PCDHA3: variants seen among roughly 807,000 people sequenced by gnomAD.
PCDHA3 encodes the protein protocadherin alpha 3.
A neutral mutation model predicts 62.2 loss-of-function variants in PCDHA3; 41 were observed. The ratio of observed to expected loss-of-function variants is 0.66; its 90% CI spans 0.51 to 0.86. PCDHA3 has a LOEUF of 0.86. PCDHA3 is among the 40% of genes least tolerant of loss of function. The pLI is 0.00. For missense variants in PCDHA3, 1,304 were observed against 1,241.2 expected (o/e 1.05, Z -0.76); for synonymous variants, 640 against 555.4 (o/e 1.15, Z -2.14).
At chr5:140,869,703 G>A in intron 1 of PCDHA3, 1 of 1,613,428 alleles carries the variant, frequency 6.2e-7, no homozygotes, top group Non-Finnish European at 8.5e-7. Context: ...AGAAGTCTCT[G>A]GATAGAGAGA....
chr5:140,814,025 T>G (rs1765421456), intron 1 of PCDHA3: 1 of 152,870 alleles, frequency 6.5e-6, no homozygotes, highest in Non-Finnish European at 1.5e-5. Context: ...CAGTAATAAA[T>G]TAACCTTAGC....
chr5:140,884,579 G>A (rs1035826331), intron 1 of PCDHA3: 5 of 1,614,058 alleles, frequency 3.1e-6, no homozygotes, highest in Admixed American at 1.7e-5. Flanking sequence ...GGACCTCATG[G>A]CCTTCAGTCC....
At chr5:140,941,099 TATTACTGG>T (rs1174229664) in intron 1 of PCDHA3, among the ~76,000 whole-genome samples, 5 of 152,146 alleles carry the variant, frequency 3.3e-5, no homozygotes, top group Non-Finnish European at 1.5e-5. Context: ...TTTCACATAC[TATTACTGG>T]AAAGATTAGT....
At chr5:140,968,813 A>G (rs1554231120) in intron 1 of PCDHA3, 1 of 1,614,194 alleles carries the variant, frequency 6.2e-7, no homozygotes, top group South Asian at 1.1e-5. Context: ...TGTGGTGGAT[A>G]GGGTTTCCAA....
At position 140,889,293 on chromosome 5, in the gene PCDHA3, T is replaced by C. The variant is rs1051889855; in HGVS notation, c.2394+85702T>C. 3.3e-5 allele frequency among the ~76,000 whole-genome samples: 5 copies of C among 152,196 alleles called. No individual in the cohort carries two copies. The South Asian group carries it at 6.2e-4, about 19-fold the overall frequency. The stretch of plus-strand genomic sequence containing the variant: ...ATCTTTGAATTACTTCTTATTTGAT[T>C]GGAGAACTCACTGTTGAAGTTATCT... On this transcript the variant is annotated intron_variant, in intron 1 of 3. Transcript: ENST00000522353.
At chr5:140,978,805 T>G in intron 1 of PCDHA3, 144 bp from the exon 2 acceptor site, 4 of 1,492,524 alleles carry the variant, frequency 2.7e-6, no homozygotes, top group Non-Finnish European at 3.6e-6. Flanking sequence ...GTAGATATCA[T>G]CATAGAGTTA....
intron 1 of PCDHA3, among the ~76,000 whole-genome samples, chr5:140,915,100 CACA>C (rs2076984171): frequency 6.6e-6 from 1 of 151,988 alleles, no homozygotes; most frequent in African/African-American, 2.4e-5. Context: ...CACGCACCAC[CACA>C]ACACCCACCT....
Position 140,899,596 on chromosome 5 carries a change from G to A in PCDHA3, c.2395-79353G>A, listed in dbSNP as rs567280301. On this transcript the variant is annotated intron_variant, in intron 1 of 3. Transcript: ENST00000522353. ...ATTCGGTTTGCCAGTATTTTATTGA[G>A]GACTTTTGCATCAATGTTCATCAAG... Among the ~76,000 whole-genome samples the A allele has an allele frequency of 7.2e-5, 11 of 152,196 alleles. No individual in the cohort carries two copies. In the East Asian group the frequency reaches 2.1e-3, roughly 29 times the overall value.
intron 1 of PCDHA3, chr5:140,834,304 A>G (rs2150215159): frequency 5.3e-6 from 7 of 1,322,818 alleles, no homozygotes; most frequent in South Asian, 1.4e-5. Context: ...ACACATCGAG[A>G]TTGAAATGAA....
chr5:140,889,767 C>T (rs539294045), intron 1 of PCDHA3, among the ~76,000 whole-genome samples: 29 of 152,202 alleles, frequency 1.9e-4, no homozygotes, highest in African/African-American at 6.7e-4. Context: ...TGAACTTTGA[C>T]TGGTCTTAAT....
At chr5:140,983,642 G>A (rs954814692) in intron 3 of PCDHA3, among the ~76,000 whole-genome samples, 3 of 152,174 alleles carry the variant, frequency 2.0e-5, no homozygotes, top group African/African-American at 7.2e-5. Flanking sequence ...CCAAGTTCAC[G>A]TAGCTTGTAA....
chr5:140,875,818 G>T (rs2055839936), intron 1 of PCDHA3: 1 of 1,614,100 alleles, frequency 6.2e-7, no homozygotes, highest in East Asian at 2.2e-5. Flanking sequence ...GCCGCTGCAG[G>T]TTTTCCATGT....
intron 1 of PCDHA3, among the ~76,000 whole-genome samples, chr5:140,819,033 C>T (rs1371427690): frequency 3.9e-5 from 6 of 152,058 alleles, no homozygotes; most frequent in Non-Finnish European, 5.9e-5. Flanking sequence ...TAGCACATTC[C>T]CTTATAGGGC....
In PCDHA3 at chr5:140,856,289, G is replaced by A. The variant is rs138367057; in HGVS notation, c.2394+52698G>A. Reference sequence around the variant, plus strand: ...CCTTCTGGAGGTAAATCTGCAGAATGGCATTTTGTTTGTGAATTCTCGGAT... The same window carrying A: ...CCTTCTGGAGGTAAATCTGCAGAATAGCATTTTGTTTGTGAATTCTCGGAT... On this transcript the variant is annotated intron_variant, in intron 1 of 3. Coordinates refer to ENST00000522353, the MANE Select transcript of PCDHA3 (RefSeq NM_018906.3). The A allele has an allele frequency of 3.3e-4, 527 of 1,598,532 alleles. 21 individuals carry two copies. The African/African-American group carries it at 6.0e-3, about 18-fold the overall frequency.
rs1554144120 is a variant in PCDHA3, at chr5:140,850,272, A to G, written c.2394+46681A>G. 1.2e-5 allele frequency: 19 copies of G among 1,594,612 alleles called. 2 individuals carry two copies. The highest frequency in any genetic ancestry group is 7.7e-6 in the Non-Finnish European group (9 of 1,167,372). Reference sequence around the variant, plus strand: ...GGTGGGCGCCGGCGTAGTGGTGGGGAAGGTGCGCGCAGTGGACGCCGACTC... The same window carrying G: ...GGTGGGCGCCGGCGTAGTGGTGGGGGAGGTGCGCGCAGTGGACGCCGACTC... On this transcript the variant is annotated intron_variant, in intron 1 of 3. Transcript: ENST00000522353.
chr5:140,807,334 G>A (rs782485620), intron 1 of PCDHA3: 1 of 1,613,482 alleles, frequency 6.2e-7, no homozygotes, highest in South Asian at 1.1e-5. Context: ...GCCGCATCGC[G>A]CAGGACCTGG....
chr5:140,969,148 G>A, intron 1 of PCDHA3: 2 of 1,614,102 alleles, frequency 1.2e-6, no homozygotes, highest in Non-Finnish European at 8.5e-7. Context: ...ACTGCTACAA[G>A]GCCTGTCTGA....
chr5:140,980,363 G>A (rs1477868054), intron 2 of PCDHA3, among the ~76,000 whole-genome samples: 1 of 152,204 alleles, frequency 6.6e-6, no homozygotes, highest in Non-Finnish European at 1.5e-5. Context: ...TGGGCGCGGT[G>A]GCTCACACCT....
At chr5:140,808,857 A>G (rs1764281184) in intron 1 of PCDHA3, 2 of 1,613,038 alleles carry the variant, frequency 1.2e-6, no homozygotes, top group African/African-American at 2.7e-5. Context: ...TTCGTGCTGG[A>G]CGAAAACGAC....
Sources: allele counts gnomAD v4.1 joint callset (sites outside exome capture counted in the v4.1 genomes callset), GRCh38; gene constraint gnomAD v4.1.1; transcripts MANE v1.5; gene names NCBI Gene and HGNC (gene_info 2026-07-23, HGNC 2026-07-21).